COL8A2: variants seen among roughly 807,000 people sequenced by gnomAD.
COL8A2 encodes the protein collagen alpha-2(VIII) chain.
A neutral mutation model predicts 24.0 loss-of-function variants in COL8A2; 16 were observed. That is an observed-to-expected ratio of 0.67 (90% CI 0.45 to 1.01). COL8A2 has a LOEUF of 1.01. Ranked by LOEUF, COL8A2 falls within the 50% of genes least tolerant of loss-of-function variation. The pLI is 0.00. For missense variants in COL8A2, 818 were observed against 942.4 expected (o/e 0.87, Z 1.73); for synonymous variants, 466 against 424.5 (o/e 1.10, Z -1.20).
chr1:36,114,312 C>G (rs552367943), intron 2 of COL8A2, among the ~76,000 whole-genome samples: 1 of 83,908 alleles, frequency 1.2e-5, no homozygotes, highest in Admixed American at 1.5e-4. Flanking sequence ...GAGCGAGACT[C>G]CATCTCAAAA....
At chr1:36,109,303 G>C (rs535134413) in intron 2 of COL8A2, among the ~76,000 whole-genome samples, 1 of 152,156 alleles carries the variant, frequency 6.6e-6, no homozygotes, top group Non-Finnish European at 1.5e-5. Flanking sequence ...CTCTTGCTGG[G>C]TCTCTACTCC....
In COL8A2 at chr1:36,120,664, C is replaced by T. The variant is rs531145574; in HGVS notation, c.-62+4393G>A. 1.7e-4 allele frequency among the ~76,000 whole-genome samples: 26 copies of T among 151,148 alleles called. No homozygotes were observed. In the East Asian group the frequency reaches 4.3e-3, roughly 25 times the overall value. On this transcript the variant is annotated intron_variant, in intron 1 of 3. Coordinates refer to ENST00000397799, the MANE Select transcript of COL8A2 (RefSeq NM_005202.4). ...TCAGGAGGCTGAGGCAAGAGAATCACTTGAACCCGGGAGGCAGAGGATGCA... is the reference window on the plus strand; with the variant it reads ...TCAGGAGGCTGAGGCAAGAGAATCATTTGAACCCGGGAGGCAGAGGATGCA...
chr1:36,114,646 C>T (rs1269640820), intron 2 of COL8A2, among the ~76,000 whole-genome samples: 1 of 152,220 alleles, frequency 6.6e-6, no homozygotes, highest in Non-Finnish European at 1.5e-5. Context: ...CAGAACAGCT[C>T]CTTCTGGGCA....
Position 36,098,667 on chromosome 1 carries a change from G to C in COL8A2, c.1014C>G (p.Asp338Glu), listed in dbSNP as rs764026885. 7 of 1,609,900 alleles carry C rather than the reference G, an allele frequency of 4.3e-6. No homozygotes were observed. In the Admixed American group the frequency reaches 8.3e-5, roughly 19 times the overall value. Residue 338 changes from aspartate (D) to glutamate (E), a missense_variant, in exon 4 of 4, where the codon GAC becomes GAG. Coordinates refer to ENST00000397799, the MANE Select transcript of COL8A2 (RefSeq NM_005202.4). Reference sequence around the variant, plus strand: ...CCCCATCCTCCCCTGGCTCACCCCTGTCCCCCAAGAGTCCTGGGACCCCAG... The same window carrying C: ...CCCCATCCTCCCCTGGCTCACCCCTCTCCCCCAAGAGTCCTGGGACCCCAG... ...GPAGVPGLLG[D>E]RGEPGEDGEP...
At chr1:36,120,495 AC>A (rs1459062632) in intron 1 of COL8A2, among the ~76,000 whole-genome samples, 1 of 149,762 alleles carries the variant, frequency 6.7e-6, no homozygotes, top group Non-Finnish European at 1.5e-5. Context: ...CACGCCTGTA[AC>A]CCCAGCACTT....
intron 2 of COL8A2, among the ~76,000 whole-genome samples, chr1:36,113,684 CCTT>C (rs1163879007): frequency 6.6e-6 from 1 of 152,212 alleles, no homozygotes; most frequent in Non-Finnish European, 1.5e-5. Flanking sequence ...CTGGGGGCCA[CCTT>C]CTCACCCAGG....
chr1:36,106,528 A>T (rs1044652279), intron 2 of COL8A2, among the ~76,000 whole-genome samples: 7 of 151,870 alleles, frequency 4.6e-5, no homozygotes, highest in Non-Finnish European at 7.4e-5. Flanking sequence ...GAAGGGGCAG[A>T]GTGTGTGGCA....
Position 36,098,922 on chromosome 1 carries a change from C to G in COL8A2, c.759G>C (p.Glu253Asp). 1 of 1,610,970 alleles carries G rather than the reference C, an allele frequency of 6.2e-7. No individual in the cohort carries two copies. Among genetic ancestry groups the G allele is most frequent in the Non-Finnish European group, 8.5e-7 (1 of 1,179,066 alleles). Residue 253 changes from glutamate to aspartate, a missense_variant, in exon 4 of 4, where the codon GAG becomes GAC. Physicochemically the swap from Glu to Asp is conservative, Grantham distance 45 (BLOSUM62 2). Around this residue, in one of 3 missense-constraint regions of COL8A2, gnomAD observed 573 missense variants for 616.8 expected, o/e 0.93. Coordinates refer to ENST00000397799, the MANE Select transcript of COL8A2 (RefSeq NM_005202.4). Reference sequence around the variant, plus strand: ...GGCCTGGAACTCCAGGAGGCCCAGACTCACCCTTGTCTCCTGGGGCCCCAG... The same window carrying G: ...GGCCTGGAACTCCAGGAGGCCCAGAGTCACCCTTGTCTCCTGGGGCCCCAG... ...GLPGAPGDKGESGPPGVPGPR... is the reference protein window; with the variant it reads ...GLPGAPGDKGDSGPPGVPGPR...
intron 2 of COL8A2, among the ~76,000 whole-genome samples, chr1:36,110,916 G>A (rs1643832289): frequency 6.6e-6 from 1 of 152,132 alleles, no homozygotes; most frequent in Non-Finnish European, 1.5e-5. Flanking sequence ...TGGACCTTGG[G>A]GAGGAGCAGA....
chr1:36,105,533 G>T (rs572663311), intron 2 of COL8A2, among the ~76,000 whole-genome samples: 49 of 152,334 alleles, frequency 3.2e-4, no homozygotes, highest in Non-Finnish European at 6.0e-4. Context: ...ACCCATCAAG[G>T]CCACGTTACG....
intron 2 of COL8A2, among the ~76,000 whole-genome samples, chr1:36,106,275 CA>C (rs986397741): frequency 1.5e-4 from 22 of 141,998 alleles, no homozygotes; most frequent in Admixed American, 2.1e-4. Flanking sequence ...AAAAAAACAA[CA>C]AAAAAAAAAA....
At chr1:36,102,664 GTTTTTTGTT>G (rs1643694575) in intron 2 of COL8A2, among the ~76,000 whole-genome samples, 2 of 94,780 alleles carry the variant, frequency 2.1e-5, no homozygotes, top group Non-Finnish European at 3.9e-5. Context: ...TATAAAGCTG[GTTTTTTGTT>G]TTTTTTTTTT....
chr1:36,114,049 T>C (rs942014741), intron 2 of COL8A2, among the ~76,000 whole-genome samples: 127 of 152,118 alleles, frequency 8.3e-4, no homozygotes, highest in African/African-American at 2.7e-3. Flanking sequence ...CTGGGCGCGG[T>C]GGCTCATGCC....
chr1:36,113,896 G>C (rs1643866986), intron 2 of COL8A2, among the ~76,000 whole-genome samples: 2 of 152,202 alleles, frequency 1.3e-5, no homozygotes, highest in Admixed American at 1.3e-4. Flanking sequence ...GCAGGTGATG[G>C]TGGGACGGTC....
chr1:36,101,742 A>G (rs7550047), intron 2 of COL8A2, among the ~76,000 whole-genome samples: 21,198 of 152,268 alleles, frequency 0.14, 1,907 homozygotes, highest in African/African-American at 0.25. Flanking sequence ...TTACTCGGCA[A>G]TGAAAATGAA....
Position 36,099,134 on chromosome 1 carries a change from G to T in COL8A2, c.547C>A (p.Pro183Thr), listed in dbSNP as rs770032260. The T allele has an allele frequency of 6.6e-7, 1 of 1,505,132 alleles. No individual in the cohort carries two copies. The highest frequency in any genetic ancestry group is 8.9e-7 in the Non-Finnish European group (1 of 1,129,102). 93.2% of individuals were successfully genotyped at this position (1,505,132 alleles called of 1,614,324 possible). The part of the protein sequence containing the change: ...GKPGAQGVPG[P>T]PGFQGEPGPQ... ...CCTGGTTCCCCCTGGAATCCTGGGG[G>T]CCCTGGCACCCCTTGGGCACCTGGT... The change falls in exon 4 of 4, where the codon CCC becomes ACC. Residue 183 changes from proline to threonine, a missense_variant. Pro to Thr is a conservative substitution (Grantham distance 38). Around this residue, in one of 3 missense-constraint regions of COL8A2, gnomAD observed 573 missense variants for 616.8 expected, o/e 0.93. Transcript: ENST00000397799.
chr1:36,102,671 G>GTTTTTTT (rs71053904), intron 2 of COL8A2, among the ~76,000 whole-genome samples: 1 of 122,376 alleles, frequency 8.2e-6, no homozygotes, highest in South Asian at 2.5e-4. Flanking sequence ...CTGGTTTTTT[G>GTTTTTTT]TTTTTTTTTT....
Position 36,120,158 on chromosome 1 carries a change from A to T in COL8A2, c.-61-4406T>A, listed in dbSNP as rs568728113. On this transcript the variant is annotated intron_variant, in intron 1 of 3. Coordinates refer to ENST00000397799, the MANE Select transcript of COL8A2 (RefSeq NM_005202.4). ...CCCTCCACAAAAAACCCCTTGTGCTATGAAGATGCCCCACACACTGTAGAC... is the reference window on the plus strand; with the variant it reads ...CCCTCCACAAAAAACCCCTTGTGCTTTGAAGATGCCCCACACACTGTAGAC... Among the ~76,000 whole-genome samples the T allele has an allele frequency of 5.3e-5, 8 of 152,250 alleles. No homozygotes were observed. The East Asian group carries it at 9.6e-4, about 18-fold the overall frequency.
chr1:36,099,029 C>G lies in COL8A2; in HGVS notation c.652G>C (p.Ala218Pro), dbSNP rs750896626. The change falls in exon 4 of 4, where the codon GCC becomes CCC. Residue 218 changes from alanine (A) to proline (P), a missense_variant. Coordinates refer to ENST00000397799, the MANE Select transcript of COL8A2 (RefSeq NM_005202.4). ...CCGGGGGCACCCCCCTGCCCTGGGG[C>G]CCCAGGCAGCCCGGGCTGGCCCACT... ...NGVGQPGLPGAPGQGGAPGPP... is the reference protein window; with the variant it reads ...NGVGQPGLPGPPGQGGAPGPP... 1 of 1,544,150 alleles carries G rather than the reference C, an allele frequency of 6.5e-7. No homozygotes were observed. The highest frequency in any genetic ancestry group is 2.3e-5 in the East Asian group (1 of 43,610).
Sources: gnomAD v4.1 joint callset for allele counts (sites outside exome capture counted in the v4.1 genomes callset) on GRCh38, gnomAD v4.1.1 for gene constraint, gnomAD v4.1.1 regional missense constraint, MANE v1.5 for transcripts, NCBI Gene and HGNC (gene_info 2026-07-23, HGNC 2026-07-21) for gene names.